Variants in GNE observed in about 807,000 individuals in gnomAD.
The protein encoded by GNE is glucosamine (UDP-N-acetyl)-2-epimerase/N-acetylmannosamine kinase.
In GNE, 41 loss-of-function variants were observed where a neutral mutation model predicts 61.8. That is an observed-to-expected ratio of 0.66 (90% CI 0.52 to 0.86). The LOEUF (loss-of-function observed/expected upper bound fraction) is 0.86. Among genes scored for constraint, GNE ranks in the 40% least tolerant of loss-of-function variants. The probability of loss-of-function intolerance (pLI) is 0.00; values close to 1 mark genes in which losing one functional copy is unlikely to be tolerated. For missense variants in GNE, 608 were observed against 909.1 expected (o/e 0.67, Z 4.26); for synonymous variants, 264 against 326.4 (o/e 0.81, Z 2.06).
At chr9:36,249,937 T>C (rs1466073307) in intron 1 of GNE, among the ~76,000 whole-genome samples, 1 of 151,222 alleles carries the variant, frequency 6.6e-6, no homozygotes, top group African/African-American at 2.4e-5. Context: ...CACCACCCCA[T>C]CCTCTCACAC....
At chr9:36,217,839 T>C (rs1554658131) in intron 11 of GNE, among the ~76,000 whole-genome samples, 1 of 152,074 alleles carries the variant, frequency 6.6e-6, no homozygotes, top group Non-Finnish European at 1.5e-5. Flanking sequence ...AAAAAATGAA[T>C]AGAAAGACTC....
chr9:36,233,766 T>C (rs964926319), intron 5 of GNE, 154 bp downstream of exon 5: 1 of 750,600 alleles, frequency 1.3e-6, no homozygotes, highest in East Asian at 2.5e-5. Context: ...CTGTGTGCTA[T>C]TTATCGACTA....
chr9:36,271,774 C>A (rs1831037058), intron 1 of GNE, among the ~76,000 whole-genome samples: 3 of 152,026 alleles, frequency 2.0e-5, no homozygotes, highest in Admixed American at 2.0e-4. Context: ...TATAAGGAAC[C>A]CGAGAAAAAT....
chr9:36,222,617 G>C (rs1290081809), intron 9 of GNE, among the ~76,000 whole-genome samples, 160 bp downstream of exon 9: 1 of 152,144 alleles, frequency 6.6e-6, no homozygotes, highest in African/African-American at 2.4e-5. Context: ...CATGTCTAAG[G>C]CTGGGCACAT....
chr9:36,239,247 A>AT (rs1274580002), intron 3 of GNE, among the ~76,000 whole-genome samples: 2 of 151,930 alleles, frequency 1.3e-5, no homozygotes, highest in African/African-American at 2.4e-5. Flanking sequence ...TTTTAGAATT[A>AT]TTTTTTTAAT....
intron 7 of GNE, among the ~76,000 whole-genome samples, chr9:36,225,711 G>C (rs1346832561): frequency 6.6e-6 from 1 of 152,162 alleles, no homozygotes; most frequent in Non-Finnish European, 1.5e-5. Context: ...GGGAGGCTGA[G>C]GCAGAGGACC....
At chr9:36,270,064 C>T (rs892796482) in intron 1 of GNE, among the ~76,000 whole-genome samples, 2 of 152,120 alleles carry the variant, frequency 1.3e-5, no homozygotes, top group Non-Finnish European at 2.9e-5. Context: ...TGGGCTCAAG[C>T]GATCCTGTGA....
intron 4 of GNE, among the ~76,000 whole-genome samples, chr9:36,234,840 T>G (rs1326168016): frequency 1.3e-5 from 2 of 152,140 alleles, no homozygotes; most frequent in East Asian, 3.9e-4. Context: ...ACCAAAGCTG[T>G]GCATGCATGG....
At chr9:36,258,867 G>T (rs984221255), upstream of GNE, among the ~76,000 whole-genome samples, 5 of 152,126 alleles carry the variant, frequency 3.3e-5, no homozygotes, top group African/African-American at 1.2e-4. Context: ...CCCCACAGCG[G>T]TCCCTGACGT....
chr9:36,226,711 C>T (rs1283779595), intron 7 of GNE, among the ~76,000 whole-genome samples: 1 of 152,200 alleles, frequency 6.6e-6, no homozygotes, highest in Non-Finnish European at 1.5e-5. Context: ...TTAGAGATCA[C>T]TTTAACATGA....
At chr9:36,253,583 T>C (rs1436858654) in intron 1 of GNE, among the ~76,000 whole-genome samples, 3 of 151,494 alleles carry the variant, frequency 2.0e-5, no homozygotes, top group East Asian at 3.9e-4. Context: ...CAGCCACAAA[T>C]CTTACTTTTT....
At chr9:36,238,262 T>A (rs1028892295) in intron 3 of GNE, among the ~76,000 whole-genome samples, 1 of 152,228 alleles carries the variant, frequency 6.6e-6, no homozygotes, top group Non-Finnish European at 1.5e-5. Flanking sequence ...CAAGTATCTT[T>A]TTCAAATAAT....
At chr9:36,254,463 T>C (rs762372587) in intron 1 of GNE, among the ~76,000 whole-genome samples, 10 of 151,318 alleles carry the variant, frequency 6.6e-5, no homozygotes, top group African/African-American at 1.2e-4. Flanking sequence ...GCCCAGGAGT[T>C]TGAGGCTGTA....
At chr9:36,223,551 C>T (rs966990316) in intron 7 of GNE, 49 bp from the exon 8 acceptor site, 2 of 1,582,062 alleles carry the variant, frequency 1.3e-6, no homozygotes, top group African/African-American at 2.7e-5. Context: ...AGCTAAGCAG[C>T]ATATTGTGAG....
rs748005215 is a variant in GNE at position 36,222,900 on chromosome 9, G to C, written c.1510C>G (p.Leu504Val). The C allele has an allele frequency of 1.2e-6, 2 of 1,613,982 alleles. No individual in the cohort carries two copies. Among genetic ancestry groups the C allele is most frequent in the Non-Finnish European group, 8.5e-7 (1 of 1,179,954 alleles). Residue 504 changes from leucine (L) to valine (V), a missense_variant, in exon 9 of 12, where the codon CTT becomes GTT. Leu to Val is a conservative substitution (Grantham distance 32). Coordinates refer to ENST00000642385, the MANE Select transcript of GNE (RefSeq NM_005476.7). Reference sequence around the variant, plus strand: ...ACAGGGAGATGCAAAGTGTCAGAAAGGGGGGTCCTAAGGTCCACAGAGTTC... The same window carrying C: ...ACAGGGAGATGCAAAGTGTCAGAAACGGGGGTCCTAAGGTCCACAGAGTTC... ...EWNSVDLRTP[L>V]SDTLHLPVWV...
chr9:36,262,881 G>A (rs577126920), upstream of GNE, among the ~76,000 whole-genome samples: 20 of 152,216 alleles, frequency 1.3e-4, no homozygotes, highest in South Asian at 3.5e-3. Context: ...CGTGTATTTC[G>A]TAGCCTAAAC....
chr9:36,243,176 C>A (rs1342441325), intron 3 of GNE, among the ~76,000 whole-genome samples: 1 of 152,156 alleles, frequency 6.6e-6, no homozygotes, highest in East Asian at 1.9e-4. Flanking sequence ...TCCGGAGTAG[C>A]TGGGACTACA....
intron 5 of GNE, among the ~76,000 whole-genome samples, chr9:36,232,510 G>A (rs1260090305): frequency 6.6e-6 from 1 of 152,008 alleles, no homozygotes; most frequent in Admixed American, 6.6e-5. Context: ...TCTGCCTCTT[G>A]CTCACTACTC....
At chr9:36,258,489 G>A, upstream of GNE, 3 of 985,570 alleles carry the variant, frequency 3.0e-6, no homozygotes, top group Non-Finnish European at 3.6e-6. Flanking sequence ...CGCTCGCCCA[G>A]CCACGCCCAC....
Sources: allele counts gnomAD v4.1 joint callset (sites outside exome capture counted in the v4.1 genomes callset), GRCh38; gene constraint gnomAD v4.1.1; transcripts MANE v1.5; gene names NCBI Gene and HGNC (gene_info 2026-07-23, HGNC 2026-07-21).